The following CP variants were observed in gnomAD, a reference collection of about 807,000 sequenced individuals.
CP encodes the protein caeruloplasmin.
A neutral mutation model predicts 122.4 loss-of-function variants in CP; 64 were observed. The ratio of observed to expected loss-of-function variants is 0.52; its 90% CI spans 0.43 to 0.64. CP has a LOEUF of 0.64. Ranked by LOEUF, CP falls within the 30% of genes least tolerant of loss-of-function variation. The probability of loss-of-function intolerance (pLI) is 0.00; values close to 1 mark genes in which losing one functional copy is unlikely to be tolerated. For synonymous variants in CP, 440 were observed against 436.4 expected (o/e 1.01, Z -0.10); for missense variants, 1,167 against 1,284.4 (o/e 0.91, Z 1.40).
chr3:149,209,179 A>T, intron 4 of CP, 32 bp downstream of exon 4: 1 of 1,613,200 alleles, frequency 6.2e-7, no homozygotes, highest in Non-Finnish European at 8.5e-7. Context: ...AGGGAAAAAA[A>T]AGTAAAGTTA....
At chr3:149,200,224 T>A (rs1223688232) in intron 7 of CP, among the ~76,000 whole-genome samples, 1 of 152,208 alleles carries the variant, frequency 6.6e-6, no homozygotes, top group Admixed American at 6.5e-5. Flanking sequence ...TGCTATAAAC[T>A]CTGACCACCC....
intron 9 of CP, among the ~76,000 whole-genome samples, chr3:149,196,845 C>G (rs1315917696): frequency 6.6e-6 from 1 of 152,214 alleles, no homozygotes; most frequent in Non-Finnish European, 1.5e-5. Flanking sequence ...CCATCGCATC[C>G]CCTGTGACTT....
downstream of CP, among the ~76,000 whole-genome samples, chr3:149,171,725 G>A (rs1576717392): frequency 8.6e-6 from 1 of 116,514 alleles, no homozygotes; most frequent in East Asian, 2.6e-4. Context: ...TTTGTCCTGA[G>A]ATGGAGTCTT....
chr3:149,183,647 A>G, intron 12 of CP, 42 bp from the exon 13 acceptor site: 1 of 1,371,240 alleles, frequency 7.3e-7, no homozygotes, highest in Non-Finnish European at 1.0e-6. Flanking sequence ...TGTCTTAATG[A>G]AAATGTAACT....
downstream of CP, chr3:149,172,143 A>T (rs781373708): frequency 1.2e-6 from 2 of 1,612,796 alleles, no homozygotes; most frequent in South Asian, 2.2e-5. Flanking sequence ...GATTTCATGA[A>T]TGTTCTCCCA....
At chr3:149,208,150 G>A (rs537488594) in intron 4 of CP, among the ~76,000 whole-genome samples, 42 of 151,662 alleles carry the variant, frequency 2.8e-4, no homozygotes, top group Non-Finnish European at 5.3e-4. Context: ...TATGAAGGAG[G>A]GAAAAAATGT....
chr3:149,182,120 A>G lies in CP; in HGVS notation c.2439T>C (p.His813=), dbSNP rs1350201047. The change falls in exon 14 of 19, where the codon CAT becomes CAC. Residue 813 remains histidine (H), a synonymous_variant. Transcript: ENST00000264613. ...TTTTGACTTTGTCTCCAACATCTGC[A>G]TGAAGTTGTGGACCTGGCAAAAGTG... ...EHLGILGPQL[H]ADVGDKVKII... The G allele has an allele frequency of 3.1e-6, 5 of 1,614,122 alleles. No individual in the cohort carries two copies. The highest frequency in any genetic ancestry group is 4.2e-6 in the Non-Finnish European group (5 of 1,179,972).
intron 1 of CP, chr3:149,218,065 T>G (rs1412504938): frequency 5.3e-6 from 1 of 187,574 alleles, no homozygotes; most frequent in African/African-American, 2.4e-5. Flanking sequence ...TGAGAGCCTA[T>G]GAAGTCAAGT....
rs1312838611 is a variant in CP at position 149,185,061 on chromosome 3, G to C, written c.2285+178C>G. The C allele has an allele frequency of 3.0e-5, 19 of 639,948 alleles. No individual in the cohort carries two copies. In the East Asian group the frequency reaches 5.0e-4, roughly 17 times the overall value. 39.6% of individuals were successfully genotyped at this position (639,948 alleles called of 1,614,324 possible). On this transcript the variant is annotated intron_variant, in intron 12 of 18. Transcript: ENST00000264613. The stretch of plus-strand genomic sequence containing the variant: ...GGAAATTTTCCCTTAAGGAAATTGA[G>C]AGAAGCGGAAATGAATAAGGACAAG...
At chr3:149,188,542 G>A (rs1576746128) in intron 9 of CP, among the ~76,000 whole-genome samples, 1 of 143,376 alleles carries the variant, frequency 7.0e-6, no homozygotes, top group African/African-American at 2.5e-5. Context: ...AAGAATATGG[G>A]TCTGTGCTGG....
Position 149,164,844 on chromosome 3 carries a change from AG to A in CP, c.*13+1101del, listed in dbSNP as rs747946921. Among the ~76,000 whole-genome samples, 10 of 152,218 alleles carry A rather than the reference AG, an allele frequency of 6.6e-5. No individual in the cohort carries two copies. In the South Asian group the frequency reaches 1.7e-3, roughly 25 times the overall value. ...GCTGAGTGTCTGTTTTCCTTATCCT[AG>A]CTGCCCTCATGCATCTTCATCATTT... On this transcript the variant is annotated intron_variant, in intron 5 of 5. Coordinates refer to the CP transcript ENST00000479771.
In CP at chr3:149,200,009, G is replaced by T. The variant is rs371132123; in HGVS notation, c.1349-145C>A. On this transcript the variant is annotated intron_variant, in intron 7 of 18. Transcript: ENST00000264613. The stretch of plus-strand genomic sequence containing the variant: ...GTGGTGAATGGAAAGCTTGGTTTTT[G>T]AGAAGTCCATAATCAATCTGATATG... The T allele has an allele frequency of 2.0e-4, 165 of 813,274 alleles. 1 individual carries two copies. In the African/African-American group the frequency reaches 2.5e-3, roughly 12 times the overall value. The allele number at this position is 813,274 out of a possible 1,614,324, so 50.4% of individuals were successfully genotyped here.
In CP at chr3:149,195,535, A is replaced by G. The variant is rs75994139; in HGVS notation, c.1713+2832T>C. On this transcript the variant is annotated intron_variant, in intron 9 of 18. Coordinates refer to ENST00000264613, the MANE Select transcript of CP (RefSeq NM_000096.4). ...GAGGAATGAGCAATATTTCCAAACAATACTATGAAGAGATGTTCAGATTCT... is the reference window on the plus strand; with the variant it reads ...GAGGAATGAGCAATATTTCCAAACAGTACTATGAAGAGATGTTCAGATTCT... Among the ~76,000 whole-genome samples the G allele has an allele frequency of 5.3e-3, 814 of 152,330 alleles. 7 individuals carry two copies. The highest frequency in any genetic ancestry group is 0.018 in the African/African-American group (764 of 41,570).
In CP at chr3:149,179,613, TC is replaced by T. The variant is rs386134152; in HGVS notation, c.2603del (p.Gly868GlufsTer26). On this transcript the variant is annotated frameshift_variant, in exon 15 of 19. Coordinates refer to ENST00000264613, the MANE Select transcript of CP (RefSeq NM_000096.4). LOFTEE classifies it high-confidence loss of function. ...VWKIPERSGAGTEDSACIPWA... is the reference protein window; with the variant it reads ...VWKIPERSGAXTEDSACIPWA... ...ATGGAATACAAGCAGAATCCTCTGT[TC>T]CAGCTCCAGATCTTTCTGGGATTTT... 1 of 1,613,918 alleles carries T rather than the reference TC, an allele frequency of 6.2e-7. No individual in the cohort carries two copies. Among genetic ancestry groups the T allele is most frequent in the East Asian group, 2.2e-5 (1 of 44,850 alleles).
At chr3:149,171,110 T>C (rs1289672259), downstream of CP, among the ~76,000 whole-genome samples, 19 of 152,112 alleles carry the variant, frequency 1.2e-4, no homozygotes, top group Admixed American at 1.2e-3. Context: ...AAACCCTGTC[T>C]CTACTAAAAA....
intron 6 of CP, among the ~76,000 whole-genome samples, chr3:149,204,561 C>T (rs1311232852): frequency 6.6e-6 from 1 of 152,172 alleles, no homozygotes. Context: ...ATGTAGGTGT[C>T]AGTGTAGCAT....
At chr3:149,204,122 G>A (rs1484614317) in intron 6 of CP, among the ~76,000 whole-genome samples, 1 of 152,204 alleles carries the variant, frequency 6.6e-6, no homozygotes, top group Non-Finnish European at 1.5e-5. Flanking sequence ...CAGGGCAGAG[G>A]AGTGAAGAAT....
At chr3:149,216,855 T>C (rs1397366535) in intron 1 of CP, among the ~76,000 whole-genome samples, 4 of 152,036 alleles carry the variant, frequency 2.6e-5, no homozygotes, top group Non-Finnish European at 5.9e-5. Flanking sequence ...ATACAAGCTG[T>C]CTTGTGTGAA....
At chr3:149,183,715 T>A in intron 12 of CP, 110 bp from the exon 13 acceptor site, 1 of 766,934 alleles carries the variant, frequency 1.3e-6, no homozygotes, top group Non-Finnish European at 2.0e-6. Context: ...GTAATTATAG[T>A]AGTTTTAAAT....
Sources: gnomAD v4.1 joint callset for allele counts (sites outside exome capture counted in the v4.1 genomes callset) on GRCh38, gnomAD v4.1.1 for gene constraint, MANE v1.5 for transcripts, NCBI Gene and HGNC (gene_info 2026-07-23, HGNC 2026-07-21) for gene names.